The following KLHL1 variants were observed in gnomAD, a reference collection of about 807,000 sequenced individuals.
The protein encoded by KLHL1 is kelch-like protein 1.
In KLHL1, 47 loss-of-function variants were observed where a neutral mutation model predicts 77.7. The ratio of observed to expected loss-of-function variants is 0.60; its 90% confidence interval spans 0.48 to 0.77. The LOEUF is 0.77. Ranked by LOEUF, KLHL1 falls within the 30% of genes least tolerant of loss-of-function variation. KLHL1 has a pLI of 0.00. For missense variants in KLHL1, 925 were observed against 910.8 expected (o/e 1.02, Z -0.20); for synonymous variants, 360 against 325.2 (o/e 1.11, Z -1.15).
At chr13:70,053,002 C>G (rs1425359439) in intron 1 of KLHL1, among the ~76,000 whole-genome samples, 1 of 151,800 alleles carries the variant, frequency 6.6e-6, no homozygotes, top group Non-Finnish European at 1.5e-5. Flanking sequence ...AATTGCCAGA[C>G]ATCCAAACAA....
intron 5 of KLHL1, among the ~76,000 whole-genome samples, chr13:69,863,502 A>G (rs1593898535): frequency 1.4e-5 from 1 of 71,740 alleles, no homozygotes; most frequent in African/African-American, 7.8e-5. Flanking sequence ...CATAAGAAAT[A>G]AAAAAATTTT....
intron 1 of KLHL1, among the ~76,000 whole-genome samples, chr13:70,047,544 C>T (rs1886532786): frequency 2.0e-5 from 3 of 152,062 alleles, no homozygotes; most frequent in Non-Finnish European, 2.9e-5. Context: ...ATAATGTAGA[C>T]AACCCATTCC....
rs1875234865 is a variant in KLHL1 at position 69,765,166 on chromosome 13, G to T, written c.1640-24610C>A. 2.0e-5 allele frequency among the ~76,000 whole-genome samples: 3 copies of T among 151,332 alleles called. No homozygotes were observed. The South Asian group carries it at 6.3e-4, about 32-fold the overall frequency. ...GGGATTTTGCCATGTTGGCCAGAAT[G>T]GTCTTGAACTCCTGGTCTCAGATGA... On this transcript the variant is annotated intron_variant, in intron 7 of 10. Coordinates refer to ENST00000377844, the MANE Select transcript of KLHL1 (RefSeq NM_020866.3).
intron 5 of KLHL1, among the ~76,000 whole-genome samples, chr13:69,858,836 CAGAA>C (rs1405734209): frequency 3.3e-5 from 5 of 151,936 alleles, no homozygotes; most frequent in Admixed American, 1.3e-4. Flanking sequence ...AAGGCTATTT[CAGAA>C]AGAAAGAATA....
intron 1 of KLHL1, among the ~76,000 whole-genome samples, chr13:70,036,601 T>C (rs1260257597): frequency 6.6e-6 from 1 of 151,966 alleles, no homozygotes; most frequent in Non-Finnish European, 1.5e-5. Flanking sequence ...CGTATTTACC[T>C]TCAACTTGCT....
At chr13:69,942,089 C>A (rs1883382098) in intron 3 of KLHL1, among the ~76,000 whole-genome samples, 1 of 152,054 alleles carries the variant, frequency 6.6e-6, no homozygotes, top group Admixed American at 6.6e-5. Flanking sequence ...AATTTTAAAC[C>A]TGAGAAAATA....
intron 9 of KLHL1, among the ~76,000 whole-genome samples, chr13:69,718,531 T>C (rs931901460): frequency 1.3e-5 from 2 of 151,934 alleles, no homozygotes; most frequent in Non-Finnish European, 2.9e-5. Flanking sequence ...TAGAGTAGAG[T>C]TACTTATACC....
intron 2 of KLHL1, among the ~76,000 whole-genome samples, chr13:69,962,105 T>TG (rs1348093643): frequency 6.6e-6 from 1 of 152,028 alleles, no homozygotes; most frequent in Non-Finnish European, 1.5e-5. Flanking sequence ...CATCTAAAAG[T>TG]ATAAAATATC....
intron 7 of KLHL1, among the ~76,000 whole-genome samples, chr13:69,759,361 T>G (rs1874911493): frequency 6.6e-6 from 1 of 152,124 alleles, no homozygotes; most frequent in Non-Finnish European, 1.5e-5. Context: ...ACCAATAGTT[T>G]TATAACCTAA....
intron 1 of KLHL1, among the ~76,000 whole-genome samples, chr13:70,026,831 G>A (rs1885959597): frequency 1.3e-5 from 2 of 149,236 alleles, no homozygotes. Context: ...AAAATATAGT[G>A]AAAAGGGAAA....
intron 1 of KLHL1, among the ~76,000 whole-genome samples, chr13:70,063,570 T>C (rs1169661408): frequency 6.6e-6 from 1 of 152,074 alleles, no homozygotes; most frequent in Non-Finnish European, 1.5e-5. Context: ...ACTCATTTAA[T>C]ATTATACGAT....
chr13:69,943,286 C>T (rs1593972554), intron 3 of KLHL1, among the ~76,000 whole-genome samples: 1 of 151,750 alleles, frequency 6.6e-6, no homozygotes, highest in Non-Finnish European at 1.5e-5. Context: ...TGATAGATGG[C>T]TTTGCTTTCA....
At position 69,857,671 on chromosome 13, in the gene KLHL1, T is replaced by C. The variant is rs144575565; in HGVS notation, c.1228-18509A>G. On this transcript the variant is annotated intron_variant, in intron 5 of 10. Coordinates refer to ENST00000377844, the MANE Select transcript of KLHL1 (RefSeq NM_020866.3). Reference sequence around the variant, plus strand: ...AAAGATGTATCATAAGTTGAATGTTTGTTCTCTGAAGTATTTCAGGGTTAA... The same window carrying C: ...AAAGATGTATCATAAGTTGAATGTTCGTTCTCTGAAGTATTTCAGGGTTAA... Among the ~76,000 whole-genome samples, 1,468 of 152,070 alleles carry C rather than the reference T, an allele frequency of 9.7e-3. 20 individuals carry two copies. Among genetic ancestry groups the C allele is most frequent in the Middle Eastern group, 0.014 (4 of 294 alleles).
At position 69,878,882 on chromosome 13, in the gene KLHL1, A is replaced by C. The variant is rs1566356958; in HGVS notation, c.1227+3401T>G. ...TCCAACAATGATAGACTGGATTAAG[A>C]AAATATGGTACATACACACCATGGA... On this transcript the variant is annotated intron_variant, in intron 5 of 10. Coordinates refer to ENST00000377844, the MANE Select transcript of KLHL1 (RefSeq NM_020866.3). Among the ~76,000 whole-genome samples the C allele has an allele frequency of 1.3e-5, 2 of 152,196 alleles. 1 individual carries two copies. The highest frequency in any genetic ancestry group is 3.9e-4 in the East Asian group (2 of 5,192).
chr13:70,079,120 A>T (rs1362302705), intron 1 of KLHL1, among the ~76,000 whole-genome samples: 1 of 152,208 alleles, frequency 6.6e-6, no homozygotes, highest in Non-Finnish European at 1.5e-5. Context: ...ACTTAACTGC[A>T]GTTAATACAG....
chr13:69,992,553 G>C (rs1180575780), intron 1 of KLHL1, among the ~76,000 whole-genome samples: 1 of 151,984 alleles, frequency 6.6e-6, no homozygotes, highest in Non-Finnish European at 1.5e-5. Flanking sequence ...TAGATGAGGA[G>C]ACCAAAACAC....
intron 4 of KLHL1, among the ~76,000 whole-genome samples, chr13:69,887,399 A>G (rs1428318089): frequency 6.6e-6 from 1 of 152,030 alleles, no homozygotes; most frequent in East Asian, 1.9e-4. Context: ...CAGCTTTTTC[A>G]TTTTTTACAA....
chr13:69,951,420 A>AC (rs1883708595), intron 3 of KLHL1, among the ~76,000 whole-genome samples: 1 of 151,558 alleles, frequency 6.6e-6, no homozygotes, highest in Admixed American at 6.6e-5. Context: ...GCAAGTTAGT[A>AC]GGAACATGTT....
At chr13:69,847,061 T>C (rs902160235) in intron 5 of KLHL1, among the ~76,000 whole-genome samples, 8 of 151,438 alleles carry the variant, frequency 5.3e-5, no homozygotes, top group African/African-American at 1.9e-4. Flanking sequence ...AATACCCTCT[T>C]GTCTAGAATC....
Sources: gnomAD v4.1 joint callset for allele counts (sites outside exome capture counted in the v4.1 genomes callset) on GRCh38, gnomAD v4.1.1 for gene constraint, MANE v1.5 for transcripts, NCBI Gene and HGNC (gene_info 2026-07-23, HGNC 2026-07-21) for gene names.